The following TBX3 variants were observed in gnomAD, a reference collection of about 807,000 sequenced individuals.
The protein encoded by TBX3 is T-box transcription factor 3.
Under a neutral mutation model 47.8 loss-of-function variants are expected in TBX3, and 11 were observed. The observed-to-expected ratio is 0.23, with a 90% CI of 0.14 to 0.38. The LOEUF is 0.38. Ranked by LOEUF, TBX3 falls within the 10% of genes least tolerant of loss-of-function variation. TBX3 has a pLI of 1.00. For missense variants in TBX3, 927 were observed against 1,022.8 expected (o/e 0.91, Z 1.28); for synonymous variants, 500 against 449.3 (o/e 1.11, Z -1.43).
rs1376234157 is a variant in TBX3, at chr12:114,672,276, G to C, written c.1737C>G (p.Ser579Arg). ...SQGLAMSPFG[S>R]LFPYPYTYMA... is the part of the protein sequence containing the mutation. ...TGTACGTGTAGGGGTAAGGGAACAGGCTTCCGAAAGGGGACATGGCCAGGC... is the reference window on the plus strand; with the variant it reads ...TGTACGTGTAGGGGTAAGGGAACAGCCTTCCGAAAGGGGACATGGCCAGGC... The change falls in exon 7 of 7, where the codon AGC (serine) becomes AGG (arginine). Residue 579 changes from serine to arginine, a missense_variant. Transcript: ENST00000349155. 7.0e-6 allele frequency: 11 copies of C among 1,571,700 alleles called. No homozygotes were observed. Among genetic ancestry groups the C allele is most frequent in the Non-Finnish European group, 9.5e-6 (11 of 1,159,778 alleles).
chr12:114,672,051 G>A lies in TBX3; in HGVS notation c.1962C>T (p.Val654=), dbSNP rs201491620. The part of the protein sequence containing the change: ...AAAAGPLDGK[V]AALAASPASV... ...AGGCCGGGCTGGCGGCCAGGGCGGC[G>A]ACTTTGCCGTCCAGGGGCCCCGCGG... Residue 654 remains valine (V), a synonymous_variant, in exon 7 of 7, where the codon GTC becomes GTT. Transcript: ENST00000349155. 2.5e-6 allele frequency: 4 copies of A among 1,576,902 alleles called. No homozygotes were observed. The East Asian group carries it at 7.0e-5, about 28-fold the overall frequency.
intron 6 of TBX3, among the ~76,000 whole-genome samples, chr12:114,673,055 C>T (rs1402025760): frequency 6.6e-6 from 1 of 152,246 alleles, no homozygotes; most frequent in Non-Finnish European, 1.5e-5. Context: ...AAGATGCAGG[C>T]ACCCTGGCCT....
intron 6 of TBX3, 24 bp downstream of exon 6, chr12:114,674,141 G>A (rs2121381646): frequency 6.4e-7 from 1 of 1,574,398 alleles, no homozygotes. Context: ...AAAGACTGGT[G>A]GAGGCAGGAA....
Position 114,674,334 on chromosome 12 carries a change from A to G in TBX3, c.1541T>C (p.Met514Thr). Reference sequence around the variant, plus strand: ...GAGGGGACCCATGCCAGCGGCCGCCATGCTGGAGAAGGCGCCCCCCATGGC... The same window carrying G: ...GAGGGGACCCATGCCAGCGGCCGCCGTGCTGGAGAAGGCGCCCCCCATGGC... ...QFAMGGAFSSMAAAGMGPLLA... is the reference protein window; with the variant it reads ...QFAMGGAFSSTAAAGMGPLLA... Residue 514 changes from methionine to threonine, a missense_variant, in exon 6 of 7, where the codon ATG becomes ACG. Physicochemically the swap from Met to Thr is moderately conservative, Grantham distance 81 (BLOSUM62 -1). Around this residue, in one of 5 missense-constraint regions of TBX3, gnomAD observed 623 missense variants for 569.0 expected, o/e 1.09. Transcript: ENST00000349155. 1.9e-6 allele frequency: 3 copies of G among 1,564,560 alleles called. No individual in the cohort carries two copies. The highest frequency in any genetic ancestry group is 2.6e-6 in the Non-Finnish European group (3 of 1,154,598).
rs751905018 is a variant in TBX3, at chr12:114,671,845, G to A, written c.2168C>T (p.Pro723Leu). 2 of 1,555,512 alleles carry A rather than the reference G, an allele frequency of 1.3e-6. No homozygotes were observed. Among genetic ancestry groups the A allele is most frequent in the East Asian group, 2.4e-5 (1 of 41,416 alleles). Residue 723 changes from proline (P) to leucine (L), a missense_variant, in exon 7 of 7, where the codon CCG becomes CTG. Coordinates refer to ENST00000349155, the MANE Select transcript of TBX3 (RefSeq NM_005996.4). Reference protein sequence around the residue: ...AKPDRSRSASP With the variant: ...AKPDRSRSASL ...AAAGACGTGTCTGGGACGGGTCTAC[G>A]GGGACGCGCTGCGGGACCTGTCCGG...
chr12:114,674,964 T>G (rs1334907495), intron 5 of TBX3, 129 bp from the exon 6 acceptor site: 3 of 1,226,028 alleles, frequency 2.4e-6, no homozygotes, highest in African/African-American at 3.0e-5. Flanking sequence ...GGAAAGCCCC[T>G]TAGCCTCTCT....
chr12:114,681,938 C>T (rs1298407943), intron 1 of TBX3, among the ~76,000 whole-genome samples: 3 of 152,108 alleles, frequency 2.0e-5, no homozygotes, highest in African/African-American at 7.2e-5. Flanking sequence ...CAAACTTTGG[C>T]CTCATTTAGC....
At chr12:114,675,691 C>T (rs1230056311) in intron 5 of TBX3, among the ~76,000 whole-genome samples, 1 of 149,572 alleles carries the variant, frequency 6.7e-6, no homozygotes, top group Admixed American at 6.7e-5. Context: ...CAAATAAATA[C>T]TGCTTGCTCT....
intron 5 of TBX3, among the ~76,000 whole-genome samples, chr12:114,675,263 C>A (rs1035588272): frequency 3.9e-4 from 59 of 152,138 alleles, no homozygotes; most frequent in Admixed American, 3.5e-3. Context: ...TAATTACTAT[C>A]AAAAAATCAG....
rs775584392 is a variant in TBX3, at chr12:114,674,245, C to T, written c.1630G>A (p.Ala544Thr). The change falls in exon 6 of 7, where the codon GCC (alanine) becomes ACC (threonine). Residue 544 changes from alanine to threonine, a missense_variant. Coordinates refer to ENST00000349155, the MANE Select transcript of TBX3 (RefSeq NM_005996.4). ...SGLDSTAMAS[A>T]AAAQGLSGAS... is the part of the protein sequence containing the mutation. ...CCGGACAGTCCCTGCGCCGCAGCGGCAGAGGCCATGGCCGTGGAATCCAGG... is the reference window on the plus strand; with the variant it reads ...CCGGACAGTCCCTGCGCCGCAGCGGTAGAGGCCATGGCCGTGGAATCCAGG... The T allele has an allele frequency of 6.3e-7, 1 of 1,576,116 alleles. No individual in the cohort carries two copies. Among genetic ancestry groups the T allele is most frequent in the Non-Finnish European group, 8.6e-7 (1 of 1,161,474 alleles).
chr12:114,671,170 G>A lies in TBX3; in HGVS notation c.*671C>T, dbSNP rs1043208520. 3 of 216,662 alleles carry A rather than the reference G, an allele frequency of 1.4e-5. No homozygotes were observed. Among genetic ancestry groups the A allele is most frequent in the African/African-American group, 6.8e-5 (3 of 44,380 alleles). 13.4% of individuals were successfully genotyped at this position (216,662 alleles called of 1,614,324 possible). A position where few individuals can be genotyped will look rare whatever the true frequency, so the allele number is the denominator to read the frequency against. On this transcript the variant is annotated 3_prime_UTR_variant, in exon 7 of 7. Coordinates refer to ENST00000349155, the MANE Select transcript of TBX3 (RefSeq NM_005996.4). ...GGGCTATATTGTTTTCTCTCTAAAA[G>A]CAAGCGTTCAAAATAAAAACCACAA...
chr12:114,678,547 T>A (rs59336), intron 3 of TBX3, among the ~76,000 whole-genome samples: 74,793 of 151,918 alleles, frequency 0.49, 18,534 homozygotes, highest in Middle Eastern at 0.56. Flanking sequence ...GTTTTGGTAT[T>A]CACACTAAAG....
chr12:114,676,220 G>A, intron 5 of TBX3, 93 bp downstream of exon 5: 10 of 1,541,306 alleles, frequency 6.5e-6, no homozygotes, highest in South Asian at 1.1e-5. Context: ...AGCTTTTAAA[G>A]GGCAAGTGCC....
intron 6 of TBX3, 94 bp from the exon 7 acceptor site, chr12:114,672,396 G>A: frequency 9.4e-7 from 1 of 1,067,332 alleles, no homozygotes; most frequent in Non-Finnish European, 1.3e-6. Flanking sequence ...CATTGGGCAA[G>A]CCATGAATCC....
chr12:114,671,686 T>A lies in TBX3; in HGVS notation c.*155A>T. ...ACGCCAAGAAGACAGGGGCTGTCTC[T>A]AGCACATTCTCTCGAGGGAGTCCGG... is the stretch of plus-strand genomic sequence containing the variant. On this transcript the variant is annotated 3_prime_UTR_variant, in exon 7 of 7. Coordinates refer to ENST00000349155, the MANE Select transcript of TBX3 (RefSeq NM_005996.4). 2 of 890,714 alleles carry A rather than the reference T, an allele frequency of 2.2e-6. No homozygotes were observed. The highest frequency in any genetic ancestry group is 4.1e-5 in the Admixed American group (2 of 49,064). 55.2% of individuals were successfully genotyped at this position (890,714 alleles called of 1,614,324 possible).
At chr12:114,676,290 A>T in intron 5 of TBX3, 23 bp downstream of exon 5, 1 of 1,612,974 alleles carries the variant, frequency 6.2e-7, no homozygotes, top group East Asian at 2.2e-5. Context: ...GAGTCCAGTG[A>T]TCACAAAGGT....
In TBX3 at chr12:114,681,726, C is replaced by T. The variant is rs990806316; in HGVS notation, c.390-580G>A. Among the ~76,000 whole-genome samples the T allele has an allele frequency of 7.9e-5, 12 of 152,182 alleles. No individual in the cohort carries two copies. The East Asian group carries it at 1.7e-3, about 22-fold the overall frequency. ...TTGCAGACTTCGGTGCACTCCTGGG[C>T]CTGATAACCGATCTGCCCGTGGAGC... On this transcript the variant is annotated intron_variant, in intron 1 of 6. Coordinates refer to ENST00000349155, the MANE Select transcript of TBX3 (RefSeq NM_005996.4).
chr12:114,679,373 G>C (rs933091971), intron 3 of TBX3, 132 bp downstream of exon 3: 2 of 1,281,436 alleles, frequency 1.6e-6, no homozygotes, highest in East Asian at 2.4e-5. Context: ...CCCCCCAAAT[G>C]CTCCACAAAT....
At position 114,674,375 on chromosome 12, in the gene TBX3, C is replaced by T. The variant is rs765017098; in HGVS notation, c.1500G>A (p.Leu500=). The change falls in exon 6 of 7, where the codon CTG becomes CTA. Residue 500 remains leucine, a synonymous_variant. Coordinates refer to ENST00000349155, the MANE Select transcript of TBX3 (RefSeq NM_005996.4). ...QQFFNGHPLF[L]HPSQFAMGGA... is the part of the protein sequence containing the mutation. ...CCCCCATGGCAAACTGGCTGGGGTG[C>T]AGGAAGAGCGGGTGCCCGTTGAAGA... 12 of 1,553,976 alleles carry T rather than the reference C, an allele frequency of 7.7e-6. No homozygotes were observed. The highest frequency in any genetic ancestry group is 1.0e-5 in the Non-Finnish European group (12 of 1,149,076).
Sources: allele counts gnomAD v4.1 joint callset (sites outside exome capture counted in the v4.1 genomes callset), GRCh38; gene constraint gnomAD v4.1.1; regional missense constraint gnomAD v4.1.1; transcripts MANE v1.5; gene names NCBI Gene and HGNC (gene_info 2026-07-23, HGNC 2026-07-21).